Variants in P4HB observed in about 807,000 individuals in gnomAD.
P4HB encodes prolyl 4-hydroxylase subunit beta, also known as protein disulfide-isomerase.
A neutral mutation model predicts 52.6 loss-of-function variants in P4HB; 20 were observed. The observed-to-expected ratio is 0.38, with a 90% confidence interval of 0.27 to 0.55. P4HB has a LOEUF of 0.55. Ranked by LOEUF, P4HB falls within the 20% of genes least tolerant of loss-of-function variation. The pLI, the probability that P4HB is intolerant of heterozygous loss-of-function variation, is 0.74. For synonymous variants in P4HB, 296 were observed against 277.9 expected (o/e 1.07, Z -0.65); for missense variants, 601 against 669.2 (o/e 0.90, Z 1.12).
intron 10 of P4HB, 119 bp downstream of exon 10, chr17:81,845,025 A>G (rs1168689309): frequency 1.2e-6 from 1 of 826,462 alleles, no homozygotes; most frequent in African/African-American, 1.7e-5. Flanking sequence ...AGAGCCCTGG[A>G]CGCACAGACG....
In P4HB at chr17:81,849,464, C is replaced by T. The variant is rs983104389; in HGVS notation, c.625-2117G>A. On this transcript the variant is annotated intron_variant, in intron 4 of 10. Transcript: ENST00000331483. ...TGAGCCCAGATCGTGCCACTGCATT[C>T]GAGCCTGGCAACAGAGCAAGACTTC... Among the ~76,000 whole-genome samples the T allele has an allele frequency of 2.0e-5, 3 of 151,944 alleles. No homozygotes were observed. In the East Asian group the frequency reaches 5.8e-4, roughly 29 times the overall value.
chr17:81,846,775 T>A lies in P4HB; in HGVS notation c.856-146A>T. On this transcript the variant is annotated intron_variant, in intron 6 of 10. Coordinates refer to ENST00000331483, the MANE Select transcript of P4HB (RefSeq NM_000918.4). The surrounding 1 kb of genome is among the most constrained non-coding windows in gnomAD (Gnocchi z 5.7). ...TTGCCCAACCAGACCAGCAGGTGAC[T>A]GGGAGCAGAGGTCTGGCCTGGCTGG... The A allele has an allele frequency of 8.4e-7, 1 of 1,195,260 alleles. No individual in the cohort carries two copies. The highest frequency in any genetic ancestry group is 1.2e-6 in the Non-Finnish European group (1 of 831,510). 74.0% of individuals were successfully genotyped at this position (1,195,260 alleles called of 1,614,324 possible). A position where few individuals can be genotyped will look rare whatever the true frequency, so the allele number is the denominator to read the frequency against.
At chr17:81,848,068 A>G (rs1010136090) in intron 4 of P4HB, among the ~76,000 whole-genome samples, 1 of 151,964 alleles carries the variant, frequency 6.6e-6, no homozygotes, top group Non-Finnish European at 1.5e-5. Context: ...CCACCGGCTA[A>G]TTTTTGGTAT....
intron 9 of P4HB, 92 bp downstream of exon 9, chr17:81,845,469 C>T (rs2038719311): frequency 1.5e-6 from 2 of 1,295,668 alleles, no homozygotes; most frequent in Admixed American, 2.6e-5. Context: ...CCTGACTAGC[C>T]CCAGGCTCCT....
Position 81,847,379 on chromosome 17 carries a change from T to C in P4HB, c.625-32A>G, listed in dbSNP as rs756592753. On this transcript the variant is annotated intron_variant, in intron 4 of 10. Coordinates refer to ENST00000331483, the MANE Select transcript of P4HB (RefSeq NM_000918.4). ...ACAGAAAGAGGGCCCTGACTGAGCA[T>C]TGCTGCTGGGAGCACAGCCCCTGGG... is the stretch of plus-strand genomic sequence containing the variant. 12 of 1,572,120 alleles carry C rather than the reference T, an allele frequency of 7.6e-6. 1 individual carries two copies. In the African/African-American group the frequency reaches 8.1e-5, roughly 11 times the overall value.
chr17:81,859,235 G>A lies in P4HB; in HGVS notation c.298C>T (p.Pro100Ser). ...LAQQYGVRGY[P>S]TIKFFRNGDT... ...CCATTCCTGAAGAACTTGATGGTGG[G>A]ATAGCCGCGCACGCCGTACTGCTGG... is the stretch of plus-strand genomic sequence containing the variant. The change falls in exon 2 of 11, where the codon CCC becomes TCC. Residue 100 changes from proline to serine, a missense_variant. By Grantham distance (74) the Pro-to-Ser change is moderately conservative. Coordinates refer to ENST00000331483, the MANE Select transcript of P4HB (RefSeq NM_000918.4). The A allele has an allele frequency of 6.2e-7, 1 of 1,614,032 alleles. No individual in the cohort carries two copies. Among genetic ancestry groups the A allele is most frequent in the Non-Finnish European group, 8.5e-7 (1 of 1,180,024 alleles).
In P4HB at chr17:81,846,562, T is replaced by C; in HGVS notation, c.923A>G (p.Lys308Arg). Reference protein sequence around the residue: ...NQRILEFFGLKKEECPAVRLI... With the variant: ...NQRILEFFGLRKEECPAVRLI... ...GCGCACGGCCGGGCACTCTTCCTTC[T>C]TCAGGCCAAAGAACTCGAGGATGCG... Residue 308 changes from lysine (K) to arginine (R), a missense_variant, in exon 7 of 11, where the codon AAG becomes AGG. Lys to Arg is a conservative substitution (Grantham distance 26, BLOSUM62 2). Coordinates refer to ENST00000331483, the MANE Select transcript of P4HB (RefSeq NM_000918.4). The surrounding 1 kb of genome is among the most constrained non-coding windows in gnomAD (Gnocchi z 5.7). The C allele has an allele frequency of 6.2e-7, 1 of 1,614,066 alleles. No individual in the cohort carries two copies.
In P4HB at chr17:81,847,077, G is replaced by A; in HGVS notation, c.730-5C>T. 1 of 1,613,986 alleles carries A rather than the reference G, an allele frequency of 6.2e-7. No homozygotes were observed. The highest frequency in any genetic ancestry group is 1.7e-4 in the Middle Eastern group (1 of 6,060). ...TCCAAAAATCTTCGGGGCTGTCTGT[G>A]TTATAAACTTAAGTTACTGGGTCTG... On this transcript the variant is annotated splice_region_variant and splice_polypyrimidine_tract_variant and intron_variant, in intron 5 of 10. Transcript: ENST00000331483.
rs1014167105 is a variant in P4HB, at chr17:81,843,487, C to T, written c.*525G>A. The T allele has an allele frequency of 5.0e-6, 2 of 400,092 alleles. No homozygotes were observed. The highest frequency in any genetic ancestry group is 8.8e-6 in the Non-Finnish European group (2 of 227,220). The allele number at this position is 400,092 out of a possible 1,614,324, so 24.8% of individuals were successfully genotyped here. A position where few individuals can be genotyped will look rare whatever the true frequency, so the allele number is the denominator to read the frequency against. On this transcript the variant is annotated 3_prime_UTR_variant, in exon 11 of 11. Coordinates refer to ENST00000331483, the MANE Select transcript of P4HB (RefSeq NM_000918.4). ...GACAGGATCCGGAAGTCTCCATTTACCCAAAAATGCAAGAGCCATGATCAG... is the reference window on the plus strand; with the variant it reads ...GACAGGATCCGGAAGTCTCCATTTATCCAAAAATGCAAGAGCCATGATCAG...
At chr17:81,847,682 T>C (rs2038758473) in intron 4 of P4HB, 1 of 335,534 alleles carries the variant, frequency 3.0e-6, no homozygotes, top group Non-Finnish European at 5.7e-6. Flanking sequence ...AGCTATTTTC[T>C]TTTTTATTTG....
intron 10 of P4HB, 128 bp downstream of exon 10, chr17:81,845,016 G>C: frequency 1.3e-6 from 1 of 773,370 alleles, no homozygotes; most frequent in South Asian, 1.6e-5. Context: ...TGGGGCCCCA[G>C]AGCCCTGGAC....
rs916569777 is a variant in P4HB at position 81,847,451 on chromosome 17, C to T, written c.625-104G>A. Reference sequence around the variant, plus strand: ...GAAGTCACAGCAGCCAGCAGCCCTGCCCTCCCGTGGGGTTTCGAGCCACAG... The same window carrying T: ...GAAGTCACAGCAGCCAGCAGCCCTGTCCTCCCGTGGGGTTTCGAGCCACAG... On this transcript the variant is annotated intron_variant, in intron 4 of 10. Coordinates refer to ENST00000331483, the MANE Select transcript of P4HB (RefSeq NM_000918.4). 6.4e-6 allele frequency: 6 copies of T among 939,306 alleles called. No homozygotes were observed. In the East Asian group the frequency reaches 1.2e-4, roughly 19 times the overall value. 58.2% of individuals were successfully genotyped at this position (939,306 alleles called of 1,614,324 possible). A position where few individuals can be genotyped will look rare whatever the true frequency, so the allele number is the denominator to read the frequency against.
Position 81,859,255 on chromosome 17 carries a change from T to C in P4HB, c.278A>G (p.Gln93Arg), listed in dbSNP as rs371977426. The C allele has an allele frequency of 6.2e-7, 1 of 1,613,936 alleles. No homozygotes were observed. Among genetic ancestry groups the C allele is most frequent in the African/African-American group, 1.3e-5 (1 of 74,948 alleles). ...GGTGGGATAGCCGCGCACGCCGTACTGCTGGGCCAGGTCAGACTCCTCCGT... is the reference window on the plus strand; with the variant it reads ...GGTGGGATAGCCGCGCACGCCGTACCGCTGGGCCAGGTCAGACTCCTCCGT... The part of the protein sequence containing the change: ...DATEESDLAQ[Q>R]YGVRGYPTIK... Residue 93 changes from glutamine to arginine, a missense_variant, in exon 2 of 11, where the codon CAG becomes CGG. By Grantham distance (43) the Gln-to-Arg change is conservative. Coordinates refer to ENST00000331483, the MANE Select transcript of P4HB (RefSeq NM_000918.4).
chr17:81,851,225 C>T (rs113099800), intron 4 of P4HB, among the ~76,000 whole-genome samples: 21,491 of 152,254 alleles, frequency 0.14, 1,938 homozygotes, highest in Admixed American at 0.2. Context: ...CCCCTGCACC[C>T]GGCCTCCTCA....
chr17:81,859,555 T>C (rs1379298885), intron 1 of P4HB, 168 bp from the exon 2 acceptor site: 1 of 628,732 alleles, frequency 1.6e-6, no homozygotes, highest in East Asian at 2.8e-5. Context: ...CCTGGTGTTC[T>C]TGGGCAATAT....
chr17:81,855,417 C>G lies in P4HB; in HGVS notation c.486+36G>C, dbSNP rs201722995. 2.5e-6 allele frequency: 4 copies of G among 1,598,130 alleles called. No individual in the cohort carries two copies. Among genetic ancestry groups the G allele is most frequent in the Non-Finnish European group, 3.4e-6 (4 of 1,169,406 alleles). ...CTGTGGACCCCTCCTCAATGGATGA[C>G]GGAAGGAAGGAAGACTGGAATGCTC... On this transcript the variant is annotated intron_variant, in intron 3 of 10. Coordinates refer to ENST00000331483, the MANE Select transcript of P4HB (RefSeq NM_000918.4). The surrounding 1 kb of genome is among the most constrained non-coding windows in gnomAD (Gnocchi z 4.3).
chr17:81,856,203 G>A (rs2143357041), intron 2 of P4HB, among the ~76,000 whole-genome samples: 2 of 150,932 alleles, frequency 1.3e-5, no homozygotes, highest in South Asian at 4.2e-4. Flanking sequence ...GTCTTGCTCT[G>A]TCACCCAGGT....
At chr17:81,859,148 A>G (rs367595808) in intron 2 of P4HB, 33 bp downstream of exon 2, 119 of 1,597,614 alleles carry the variant, frequency 7.4e-5, no homozygotes, top group Admixed American at 1.8e-4. Flanking sequence ...GTCCCTCTCT[A>G]AAGACAGTTC....
intron 4 of P4HB, among the ~76,000 whole-genome samples, chr17:81,848,375 T>G (rs1293837595): frequency 1.3e-5 from 2 of 152,248 alleles, no homozygotes; most frequent in Non-Finnish European, 2.9e-5. Flanking sequence ...ACTAAATTGT[T>G]TTTGTCTGGG....
Sources: gnomAD v4.1 joint callset for allele counts (sites outside exome capture counted in the v4.1 genomes callset) on GRCh38, gnomAD v4.1.1 for gene constraint, Gnocchi (gnomAD v3.1) non-coding constraint, MANE v1.5 for transcripts, NCBI Gene and HGNC (gene_info 2026-07-23, HGNC 2026-07-21) for gene names.